SPEG: variants seen among roughly 807,000 people sequenced by gnomAD.
SPEG encodes the protein striated muscle preferentially expressed protein kinase.
SPEG carries 114 observed loss-of-function variants against 300.4 expected under a neutral mutation model. That is an observed-to-expected ratio of 0.38 (90% CI 0.33 to 0.44). The LOEUF (loss-of-function observed/expected upper bound fraction) is 0.44, where lower values mean the gene tolerates loss of function less well. SPEG is among the 20% of genes least tolerant of loss of function. The probability of loss-of-function intolerance (pLI) is 1.00; values close to 1 mark genes in which losing one functional copy is unlikely to be tolerated. For missense variants in SPEG, 4,201 were observed against 4,586.2 expected, an observed-to-expected ratio of 0.92 and a Z score of 2.43; for synonymous variants, 1,964 against 2,018.9, an observed-to-expected ratio of 0.97 and a Z score of 0.73.
chr2:219,472,935 C>T lies in SPEG; in HGVS notation c.3986C>T (p.Ser1329Leu), dbSNP rs759255863. The T allele has an allele frequency of 1.2e-6, 2 of 1,613,150 alleles. No individual in the cohort carries two copies. The highest frequency in any genetic ancestry group is 1.7e-6 in the Non-Finnish European group (2 of 1,179,618). Residue 1329 changes from serine (S) to leucine (L), a missense_variant, in exon 16 of 41, where the codon TCG (serine) becomes TTG (leucine). This residue lies in a region of SPEG where 1,047 missense variants were observed against 1,356.8 expected (regional missense o/e 0.77). Transcript: ENST00000312358. ...ACAGTGCAGCACCAGGTGCTGGGCT[C>T]GGACCAGTGGACGGCACTGGTCACA... ...TYTVQHQVLG[S>L]DQWTALVTGL...
intron 4 of SPEG, chr2:219,450,641 A>G (rs1040997544): frequency 6.6e-6 from 1 of 152,508 alleles, no homozygotes. Flanking sequence ...CAGACTGCCT[A>G]CCATTCACTC....
chr2:219,482,596 T>A (rs1051367265), intron 28 of SPEG, among the ~76,000 whole-genome samples, 188 bp from the exon 29 acceptor site: 5 of 152,056 alleles, frequency 3.3e-5, no homozygotes, highest in African/African-American at 1.2e-4. Context: ...TGTCTTTAGG[T>A]GTGCATCTTG....
chr2:219,489,918 C>G lies in SPEG; in HGVS notation c.8900C>G (p.Thr2967Ser). ...CAGGGTCCCCCTCAGAAACCCTACA[C>G]CTTCCTGGAGGAGAAAGCCAGGCAA... Reference protein sequence around the residue: ...LRQGPPQKPYTFLEEKARGRF... With the variant: ...LRQGPPQKPYSFLEEKARGRF... The change falls in exon 36 of 41, where the codon ACC (threonine) becomes AGC (serine). Residue 2967 changes from threonine to serine, a missense_variant. By Grantham distance (58) the Thr-to-Ser change is moderately conservative. Around this residue, in one of 4 missense-constraint regions of SPEG, gnomAD observed 318 missense variants for 429.5 expected, o/e 0.74. Transcript: ENST00000312358. 1.3e-6 allele frequency: 2 copies of G among 1,577,580 alleles called. No individual in the cohort carries two copies. Among genetic ancestry groups the G allele is most frequent in the Non-Finnish European group, 1.7e-6 (2 of 1,156,912 alleles).
Position 219,479,256 on chromosome 2 carries a change from G to A in SPEG, c.5085+55G>A. 1.3e-6 allele frequency: 2 copies of A among 1,511,442 alleles called. No homozygotes were observed. The highest frequency in any genetic ancestry group is 2.7e-5 in the African/African-American group (2 of 73,164). The allele number at this position is 1,511,442 out of a possible 1,614,324, so 93.6% of individuals were successfully genotyped here. A position where few individuals can be genotyped will look rare whatever the true frequency, so the allele number is the denominator to read the frequency against. On this transcript the variant is annotated intron_variant, in intron 23 of 40. Transcript: ENST00000312358. The surrounding 1 kb of genome is among the most constrained non-coding windows in gnomAD (Gnocchi z 5.5). ...TGGGCACCAGCCTTCACCCACCTGAGCTTTGAGAACCAACAAATGGGTCCT... is the reference window on the plus strand; with the variant it reads ...TGGGCACCAGCCTTCACCCACCTGAACTTTGAGAACCAACAAATGGGTCCT...
chr2:219,485,016 C>G lies in SPEG; in HGVS notation c.7553C>G (p.Thr2518Ser). 1 of 1,531,934 alleles carries G rather than the reference C, an allele frequency of 6.5e-7. No individual in the cohort carries two copies. The highest frequency in any genetic ancestry group is 1.2e-5 in the South Asian group (1 of 83,832). The allele number at this position is 1,531,934 out of a possible 1,614,324, so 94.9% of individuals were successfully genotyped here. The change falls in exon 30 of 41, where the codon ACC becomes AGC. Residue 2518 changes from threonine (T) to serine (S), a missense_variant. By Grantham distance (58) the Thr-to-Ser change is moderately conservative. Coordinates refer to ENST00000312358, the MANE Select transcript of SPEG (RefSeq NM_005876.5). Reference sequence around the variant, plus strand: ...CAGTTGGCCGCCCAGGCCGGCGCCACCACGCCTTCCGCCGAGTCCCTGGGC... The same window carrying G: ...CAGTTGGCCGCCCAGGCCGGCGCCAGCACGCCTTCCGCCGAGTCCCTGGGC... ...HNQLAAQAGA[T>S]TPSAESLGSE... is the part of the protein sequence containing the mutation.
In SPEG at chr2:219,445,120, C is replaced by T. The variant is rs776604424; in HGVS notation, c.774C>T (p.Ser258=). ...SLSVASDLYG[S]AFSLYRGRAL... is the part of the protein sequence containing the mutation. ...CCGTGGCCAGTGACCTGTACGGCAG[C>T]GCATTCAGCCTGTACAGAGGACGGG... Residue 258 remains serine, a synonymous_variant, in exon 3 of 41, where the codon AGC becomes AGT. Transcript: ENST00000312358. The surrounding 1 kb of genome is among the most constrained non-coding windows in gnomAD (Gnocchi z 6.1). 1.6e-5 allele frequency: 26 copies of T among 1,592,226 alleles called. No individual in the cohort carries two copies. The highest frequency in any genetic ancestry group is 1.7e-5 in the Non-Finnish European group (20 of 1,170,100).
intron 9 of SPEG, chr2:219,465,872 TGTGCGTGC>T (rs1203038681): frequency 2.4e-5 from 15 of 622,088 alleles, no homozygotes; most frequent in African/African-American, 5.4e-5. Flanking sequence ...TGTGTGCGTG[TGTGCGTGC>T]GTGTGCATGT....
In SPEG at chr2:219,443,856, C is replaced by T; in HGVS notation, c.389-797C>T. ...AATAACAAGCCCAAGTATGGGGGTC[C>T]CCAGTGCTGGGCACATCCCAGGTAT... On this transcript the variant is annotated intron_variant, in intron 1 of 40. Coordinates refer to ENST00000312358, the MANE Select transcript of SPEG (RefSeq NM_005876.5). The surrounding 1 kb of genome is among the most constrained non-coding windows in gnomAD (Gnocchi z 4.6). 2.3e-6 allele frequency: 1 copy of T among 442,502 alleles called. No homozygotes were observed. The highest frequency in any genetic ancestry group is 4.3e-6 in the Non-Finnish European group (1 of 230,166). The allele number at this position is 442,502 out of a possible 1,614,324, so 27.4% of individuals were successfully genotyped here. A position where few individuals can be genotyped will look rare whatever the true frequency, so the allele number is the denominator to read the frequency against.
rs567197826 is a variant in SPEG at position 219,451,762 on chromosome 2, G to C, written c.2395G>C (p.Glu799Gln). 5.1e-6 allele frequency: 8 copies of C among 1,556,156 alleles called. No homozygotes were observed. In the East Asian group the frequency reaches 1.9e-4, roughly 38 times the overall value. ...AGSYMATATNELGQATCAASL... is the reference protein window; with the variant it reads ...AGSYMATATNQLGQATCAASL... The stretch of plus-strand genomic sequence containing the variant: ...GAGCTATATGGCCACCGCCACCAAC[G>C]AGCTGGGCCAGGCCACCTGTGCCGC... The change falls in exon 6 of 41, where the codon GAG (glutamate) becomes CAG (glutamine). Residue 799 changes from glutamate to glutamine, a missense_variant. By Grantham distance (29) the Glu-to-Gln change is conservative. Transcript: ENST00000312358. The surrounding 1 kb of genome is among the most constrained non-coding windows in gnomAD (Gnocchi z 6.4).
intron 13 of SPEG, among the ~76,000 whole-genome samples, chr2:219,471,367 T>C (rs1575129202): frequency 6.6e-6 from 1 of 150,824 alleles, no homozygotes; most frequent in African/African-American, 2.4e-5. Flanking sequence ...TGGCAGGGAG[T>C]TTGGGTTGAG....
chr2:219,440,837 C>T (rs1221575837), intron 1 of SPEG, among the ~76,000 whole-genome samples: 2 of 152,200 alleles, frequency 1.3e-5, no homozygotes, highest in Non-Finnish European at 2.9e-5. Context: ...AGCACAATGC[C>T]TGGTACATAC....
rs1692416274 is a variant in SPEG, at chr2:219,477,084, G to A, written c.4560+102G>A. On this transcript the variant is annotated intron_variant, in intron 19 of 40. Coordinates refer to ENST00000312358, the MANE Select transcript of SPEG (RefSeq NM_005876.5). The surrounding 1 kb of genome is among the most constrained non-coding windows in gnomAD (Gnocchi z 6.4). Reference sequence around the variant, plus strand: ...TTAGGAGGGCGGAGCCCGGGCAGAGGCGTGGTTAGGAGGAGGAAAGGGGCT... The same window carrying A: ...TTAGGAGGGCGGAGCCCGGGCAGAGACGTGGTTAGGAGGAGGAAAGGGGCT... 3 of 1,138,292 alleles carry A rather than the reference G, an allele frequency of 2.6e-6. No individual in the cohort carries two copies. The highest frequency in any genetic ancestry group is 1.5e-5 in the African/African-American group (1 of 65,384). 70.5% of individuals were successfully genotyped at this position (1,138,292 alleles called of 1,614,324 possible). A position where few individuals can be genotyped will look rare whatever the true frequency, so the allele number is the denominator to read the frequency against.
Position 219,435,326 on chromosome 2 carries a change from G to A in SPEG, c.349G>A (p.Ala117Thr). ...SCMAQNERGR[A>T]SCEAVLTVLE... ...CATGGCCCAGAACGAGCGGGGCCGG[G>A]CCTCCTGCGAGGCGGTGCTCACAGT... Residue 117 changes from alanine (A) to threonine (T), a missense_variant, in exon 1 of 41, where the codon GCC (alanine) becomes ACC (threonine). Ala to Thr is a moderately conservative substitution (Grantham distance 58). Transcript: ENST00000312358. The A allele has an allele frequency of 6.5e-7, 1 of 1,537,972 alleles. No homozygotes were observed. The highest frequency in any genetic ancestry group is 8.7e-7 in the Non-Finnish European group (1 of 1,149,484).
intron 15 of SPEG, 34 bp downstream of exon 15, chr2:219,472,365 A>G (rs1575132703): frequency 6.3e-7 from 1 of 1,582,248 alleles, no homozygotes; most frequent in Non-Finnish European, 8.7e-7. Context: ...ATGGGTGGGG[A>G]AGGGGTGTGG....
At position 219,480,275 on chromosome 2, in the gene SPEG, T is replaced by A; in HGVS notation, c.5342+135T>A. 2.1e-6 allele frequency: 2 copies of A among 940,572 alleles called. No individual in the cohort carries two copies. Among genetic ancestry groups the A allele is most frequent in the Non-Finnish European group, 3.2e-6 (2 of 627,094 alleles). The allele number at this position is 940,572 out of a possible 1,614,324, so 58.3% of individuals were successfully genotyped here. The stretch of plus-strand genomic sequence containing the variant: ...TGGGCTGGAGGCATTGTTTGCAGGG[T>A]CTCCTGCCCATGTTACTCCTTGCCC... On this transcript the variant is annotated intron_variant, in intron 25 of 40. Coordinates refer to ENST00000312358, the MANE Select transcript of SPEG (RefSeq NM_005876.5). This position sits in a 1 kb window ranked among gnomAD's most constrained non-coding sequence, Gnocchi z 5.3.
Position 219,479,836 on chromosome 2 carries a change from C to T in SPEG, c.5139C>T (p.Ser1713=). 2 of 1,614,090 alleles carry T rather than the reference C, an allele frequency of 1.2e-6. No homozygotes were observed. The highest frequency in any genetic ancestry group is 2.2e-5 in the East Asian group (1 of 44,882). The change falls in exon 24 of 41, where the codon AGC becomes AGT. Residue 1713 remains serine, a synonymous_variant. Coordinates refer to ENST00000312358, the MANE Select transcript of SPEG (RefSeq NM_005876.5). The surrounding 1 kb of genome is among the most constrained non-coding windows in gnomAD (Gnocchi z 5.5). ...VLEGIHYLHQ[S]HVLHLDVKPE... is the part of the protein sequence containing the mutation. ...AGGGAATACACTACCTGCACCAGAG[C>T]CACGTGCTGCACCTCGATGTCAAGG...
chr2:219,457,857 C>T (rs1053419031), intron 6 of SPEG, among the ~76,000 whole-genome samples: 1 of 152,218 alleles, frequency 6.6e-6, no homozygotes. Flanking sequence ...CATGCACTTT[C>T]CTCTGCCTGG....
chr2:219,435,194 A>G lies in SPEG; in HGVS notation c.217A>G (p.Ser73Gly). The G allele has an allele frequency of 6.8e-7, 1 of 1,481,298 alleles. No individual in the cohort carries two copies. Among genetic ancestry groups the G allele is most frequent in the South Asian group, 1.3e-5 (1 of 77,564 alleles). 91.8% of individuals were successfully genotyped at this position (1,481,298 alleles called of 1,614,324 possible). The change falls in exon 1 of 41, where the codon AGC becomes GGC. Residue 73 changes from serine (S) to glycine (G), a missense_variant. By Grantham distance (56) the Ser-to-Gly change is moderately conservative. Around this residue, in one of 4 missense-constraint regions of SPEG, gnomAD observed 1,258 missense variants for 1,293.9 expected, o/e 0.97. Coordinates refer to ENST00000312358, the MANE Select transcript of SPEG (RefSeq NM_005876.5). ...RVVVSGTPQP[S>G]LRWFRDGQLL... ...GGTGGTGAGCGGGACGCCCCAGCCC[A>G]GCCTCCGCTGGTTCCGGGATGGGCA...
chr2:219,486,334 G>A (rs1693417927), intron 31 of SPEG, among the ~76,000 whole-genome samples: 1 of 152,244 alleles, frequency 6.6e-6, no homozygotes, highest in African/African-American at 2.4e-5. Context: ...CATGAAGCCA[G>A]GCTGTGTGCA....
Sources: allele counts gnomAD v4.1 joint callset (sites outside exome capture counted in the v4.1 genomes callset), GRCh38; gene constraint gnomAD v4.1.1; regional missense constraint gnomAD v4.1.1; non-coding constraint Gnocchi (gnomAD v3.1); transcripts MANE v1.5; gene names NCBI Gene and HGNC (gene_info 2026-07-23, HGNC 2026-07-21).